Variants in UNC5C observed in about 807,000 individuals in gnomAD.
The protein encoded by UNC5C is netrin receptor UNC5C.
UNC5C carries 47 observed loss-of-function variants against 99.8 expected under a neutral mutation model. The ratio of observed to expected loss-of-function variants is 0.47; its 90% CI spans 0.37 to 0.60. The LOEUF is 0.60. Among genes scored for constraint, UNC5C ranks in the 20% least tolerant of loss-of-function variants. The pLI, the probability that UNC5C is intolerant of heterozygous loss-of-function variation, is 0.00. For synonymous variants in UNC5C, 487 were observed against 452.2 expected, an observed-to-expected ratio of 1.08 and a Z score of -0.98; for missense variants, 1,062 against 1,165.9, an observed-to-expected ratio of 0.91 and a Z score of 1.30.
chr4:95,201,540 G>A (rs912890911), intron 12 of UNC5C, among the ~76,000 whole-genome samples: 1 of 151,868 alleles, frequency 6.6e-6, no homozygotes, highest in African/African-American at 2.4e-5. Context: ...GGCCGTAAAG[G>A]TCCATCTAGA....
At chr4:95,441,881 A>C (rs1746961192) in intron 1 of UNC5C, among the ~76,000 whole-genome samples, 1 of 152,164 alleles carries the variant, frequency 6.6e-6, no homozygotes, top group South Asian at 2.1e-4. Context: ...GTTCAGAATA[A>C]GTTGCTCTCA....
At chr4:95,217,570 T>C (rs1738295185) in intron 9 of UNC5C, among the ~76,000 whole-genome samples, 1 of 152,184 alleles carries the variant, frequency 6.6e-6, no homozygotes, top group African/African-American at 2.4e-5. Flanking sequence ...GTTTGTCCAT[T>C]AAATAAAATA....
chr4:95,429,302 C>CAAACA (rs1560829669), intron 1 of UNC5C, among the ~76,000 whole-genome samples: 1 of 137,018 alleles, frequency 7.3e-6, no homozygotes, highest in Non-Finnish European at 1.6e-5. Context: ...AAAAAACAAA[C>CAAACA]AAAAAAAACA....
At chr4:95,450,652 C>T (rs530708149) in intron 1 of UNC5C, among the ~76,000 whole-genome samples, 6 of 152,290 alleles carry the variant, frequency 3.9e-5, no homozygotes, top group Admixed American at 1.3e-4. Context: ...AGTAATGCTG[C>T]TTAAATAAGA....
At chr4:95,368,354 A>G (rs995788592) in intron 1 of UNC5C, among the ~76,000 whole-genome samples, 1 of 151,930 alleles carries the variant, frequency 6.6e-6, no homozygotes, top group African/African-American at 2.4e-5. Context: ...GCTTACTACT[A>G]CATTTCACAT....
At chr4:95,244,360 A>G (rs937301321) in intron 6 of UNC5C, among the ~76,000 whole-genome samples, 1 of 152,188 alleles carries the variant, frequency 6.6e-6, no homozygotes, top group Non-Finnish European at 1.5e-5. Context: ...GAAAGATGCT[A>G]AGAGGTGGAG....
chr4:95,519,318 G>A (rs1722292755), intron 1 of UNC5C, among the ~76,000 whole-genome samples: 1 of 152,036 alleles, frequency 6.6e-6, no homozygotes, highest in Non-Finnish European at 1.5e-5. Context: ...GAATCCATCT[G>A]GAGGGGAAAC....
chr4:95,412,157 T>C (rs530753605), intron 1 of UNC5C, among the ~76,000 whole-genome samples: 1 of 152,250 alleles, frequency 6.6e-6, no homozygotes, highest in East Asian at 1.9e-4. Context: ...CACATTCAAG[T>C]CATGCCAACT....
chr4:95,493,608 T>A (rs979188642), intron 1 of UNC5C, among the ~76,000 whole-genome samples: 32 of 151,454 alleles, frequency 2.1e-4, no homozygotes, highest in African/African-American at 7.0e-4. Context: ...TTAAAAAAAA[T>A]TTCTTTCAAA....
chr4:95,319,407 C>G (rs1232260378), intron 2 of UNC5C, among the ~76,000 whole-genome samples: 1 of 152,108 alleles, frequency 6.6e-6, no homozygotes, highest in African/African-American at 2.4e-5. Flanking sequence ...TCAGGTTAAG[C>G]CTTTGATGAA....
intron 1 of UNC5C, among the ~76,000 whole-genome samples, chr4:95,533,259 C>T (rs1010773403): frequency 1.3e-5 from 2 of 151,784 alleles, no homozygotes; most frequent in Non-Finnish European, 2.9e-5. Context: ...ATTAGCTGGG[C>T]ATGGTGGCGG....
At chr4:95,528,650 C>T (rs1405861818) in intron 1 of UNC5C, among the ~76,000 whole-genome samples, 1 of 152,108 alleles carries the variant, frequency 6.6e-6, no homozygotes, top group Non-Finnish European at 1.5e-5. Flanking sequence ...ATTGGAGGCC[C>T]ATTTTGCACT....
At chr4:95,507,522 CCT>C (rs1208836650) in intron 1 of UNC5C, among the ~76,000 whole-genome samples, 1 of 151,894 alleles carries the variant, frequency 6.6e-6, no homozygotes, top group Non-Finnish European at 1.5e-5. Flanking sequence ...ATATTAGTTT[CCT>C]CTCTGATTTT....
Position 95,502,337 on chromosome 4 carries a change from T to C in UNC5C, c.124+46397A>G, listed in dbSNP as rs191478677. On this transcript the variant is annotated intron_variant, in intron 1 of 15. Coordinates refer to ENST00000453304, the MANE Select transcript of UNC5C (RefSeq NM_003728.4). ...CAGGCTGCCTGCAGTAGTGCAATCA[T>C]AGCTCTCTGCCGCCTTGAACTCCTG... is the stretch of plus-strand genomic sequence containing the variant. 2.0e-4 allele frequency among the ~76,000 whole-genome samples: 30 copies of C among 152,254 alleles called. 1 individual carries two copies. The East Asian group carries it at 3.9e-3, about 20-fold the overall frequency.
chr4:95,341,033 T>C (rs564210898), intron 1 of UNC5C, among the ~76,000 whole-genome samples: 10 of 152,266 alleles, frequency 6.6e-5, no homozygotes, highest in African/African-American at 2.2e-4. Flanking sequence ...AAATGTGCAA[T>C]TGCATATATG....
intron 2 of UNC5C, among the ~76,000 whole-genome samples, chr4:95,313,832 T>C (rs144223283): frequency 1.1e-3 from 165 of 152,306 alleles, no homozygotes; most frequent in Admixed American, 2.0e-3. Flanking sequence ...TGAAAACATA[T>C]TCATCTAACA....
rs150661195 is a variant in UNC5C, at chr4:95,250,632, G to A, written c.630C>T (p.Pro210=). The change falls in exon 5 of 16, where the codon CCC becomes CCT. Residue 210 remains proline, a synonymous_variant. Coordinates refer to ENST00000453304, the MANE Select transcript of UNC5C (RefSeq NM_003728.4). The part of the protein sequence containing the change: ...EWLKNEDIID[P]VEDRNFYITI... ...TAATATAAAAATTCCGATCTTCAAC[G>A]GGATCAATTATGTCTTCATTTTTCA... 4.0e-4 allele frequency: 650 copies of A among 1,613,902 alleles called. 7 individuals carry two copies. In the East Asian group the frequency reaches 0.01, roughly 25 times the overall value.
At chr4:95,235,127 G>A (rs1364271827) in intron 7 of UNC5C, among the ~76,000 whole-genome samples, 1 of 152,140 alleles carries the variant, frequency 6.6e-6, no homozygotes, top group Non-Finnish European at 1.5e-5. Flanking sequence ...AGTATTTTAT[G>A]CAAATACTTT....
intron 14 of UNC5C, among the ~76,000 whole-genome samples, chr4:95,175,630 C>T (rs1340678620): frequency 1.3e-5 from 2 of 152,134 alleles, no homozygotes; most frequent in African/African-American, 2.4e-5. Flanking sequence ...GTCTGATGGG[C>T]TTCCCTTTGT....
Sources: gnomAD v4.1 joint callset for allele counts (sites outside exome capture counted in the v4.1 genomes callset) on GRCh38, gnomAD v4.1.1 for gene constraint, MANE v1.5 for transcripts, NCBI Gene and HGNC (gene_info 2026-07-23, HGNC 2026-07-21) for gene names.